GABRG2: variants seen among roughly 807,000 people sequenced by gnomAD.
GABRG2 encodes gamma-aminobutyric acid receptor subunit gamma-2.
Under a neutral mutation model 56.4 loss-of-function variants are expected in GABRG2, and 16 were observed. That is an observed-to-expected ratio of 0.28 (90% CI 0.19 to 0.43). The LOEUF (loss-of-function observed/expected upper bound fraction) is 0.43. Among genes scored for constraint, GABRG2 ranks in the 20% least tolerant of loss-of-function variants. GABRG2 has a pLI of 1.00. For synonymous variants in GABRG2, 208 were observed against 205.5 expected, an observed-to-expected ratio of 1.01 and a Z score of -0.10; for missense variants, 327 against 582.7, an observed-to-expected ratio of 0.56 and a Z score of 4.52.
chr5:162,149,388 C>T (rs1765198477), intron 8 of GABRG2, 75 bp downstream of exon 8: 11 of 1,365,194 alleles, frequency 8.1e-6, no homozygotes, highest in Middle Eastern at 1.8e-4. Context: ...AGCCTATCTG[C>T]AGGCTAAGGC....
intron 8 of GABRG2, chr5:162,149,640 G>A (rs758208326): frequency 1.5e-5 from 10 of 657,216 alleles, no homozygotes; most frequent in Non-Finnish European, 2.6e-5. Flanking sequence ...TTGAGATGGA[G>A]TGTCACTCTG....
chr5:162,151,823 G>A (rs934949083), intron 9 of GABRG2, 70 bp downstream of exon 9: 25 of 1,287,938 alleles, frequency 1.9e-5, no homozygotes, highest in South Asian at 2.5e-5. Context: ...CTTACATGGT[G>A]TTTTATTTTG....
intron 6 of GABRG2, among the ~76,000 whole-genome samples, chr5:162,132,797 C>T (rs1043822524): frequency 6.6e-5 from 10 of 151,992 alleles, no homozygotes; most frequent in African/African-American, 2.4e-4. Context: ...TATGAATTCA[C>T]ATTTTAAAAT....
intron 1 of GABRG2, among the ~76,000 whole-genome samples, chr5:162,082,017 C>A (rs957703494): frequency 1.1e-4 from 17 of 151,868 alleles, no homozygotes; most frequent in Non-Finnish European, 2.2e-4. Flanking sequence ...AAAAAATGAT[C>A]ACATTCAGTT....
intron 3 of GABRG2, among the ~76,000 whole-genome samples, chr5:162,096,693 AT>A (rs1390336821): frequency 4.6e-5 from 7 of 151,818 alleles, no homozygotes; most frequent in Admixed American, 3.9e-4. Context: ...GAACAATGTG[AT>A]TGAGGCAAAA....
intron 7 of GABRG2, among the ~76,000 whole-genome samples, chr5:162,144,058 G>A (rs1033410511): frequency 3.9e-5 from 6 of 152,130 alleles, no homozygotes; most frequent in Admixed American, 6.5e-5. Context: ...AATGCTACAC[G>A]CTGAAACAAA....
chr5:162,083,461 CAA>C (rs1370171467), intron 1 of GABRG2: 3 of 160,660 alleles, frequency 1.9e-5, no homozygotes, highest in African/African-American at 7.2e-5. Context: ...CAGAAAAAAT[CAA>C]AAGTTTTATC....
At chr5:162,074,442 A>G (rs1758924810) in intron 1 of GABRG2, among the ~76,000 whole-genome samples, 1 of 151,996 alleles carries the variant, frequency 6.6e-6, no homozygotes. Context: ...CCTGCCATGA[A>G]CCCAAGTGTT....
At chr5:162,082,112 G>A (rs962517604) in intron 1 of GABRG2, among the ~76,000 whole-genome samples, 8 of 151,732 alleles carry the variant, frequency 5.3e-5, no homozygotes, top group Admixed American at 1.3e-4. Context: ...TATGTGTTCT[G>A]CCTTGATACT....
intron 4 of GABRG2, chr5:162,098,690 GC>G (rs759162429): frequency 6.6e-6 from 1 of 152,162 alleles, no homozygotes; most frequent in Non-Finnish European, 1.5e-5. Flanking sequence ...CTTAGGGGCA[GC>G]TATCTGGTAG....
At chr5:162,086,190 T>C (rs1760094032) in intron 1 of GABRG2, among the ~76,000 whole-genome samples, 1 of 152,068 alleles carries the variant, frequency 6.6e-6, no homozygotes. Context: ...CTTTTAGTAT[T>C]AACTGTAATT....
intron 1 of GABRG2, among the ~76,000 whole-genome samples, chr5:162,086,492 C>A (rs1242373412): frequency 1.3e-5 from 2 of 151,948 alleles, no homozygotes; most frequent in Non-Finnish European, 2.9e-5. Flanking sequence ...AAATATAACT[C>A]AATGCATTAT....
chr5:162,149,398 C>CTCA lies in GABRG2; in HGVS notation c.1128+86_1128+88dup, dbSNP rs2113634059. 3 of 1,317,754 alleles carry CTCA rather than the reference C, an allele frequency of 2.3e-6. No individual in the cohort carries two copies. The African/African-American group carries it at 4.3e-5, about 19-fold the overall frequency. The allele number at this position is 1,317,754 out of a possible 1,614,324, so 81.6% of individuals were successfully genotyped here. A position where few individuals can be genotyped will look rare whatever the true frequency, so the allele number is the denominator to read the frequency against. ...TCATTAGCCTATCTGCAGGCTAAGG[C>CTCA]TCAGCAGTTTGGGCTCCAAGATGAA... On this transcript the variant is annotated intron_variant, in intron 8 of 9. Coordinates refer to ENST00000639213, the MANE Select transcript of GABRG2 (RefSeq NM_198904.4).
intron 6 of GABRG2, among the ~76,000 whole-genome samples, chr5:162,129,639 C>A (rs1763584379): frequency 6.6e-6 from 1 of 151,710 alleles, no homozygotes; most frequent in South Asian, 2.1e-4. Context: ...AAAAAACAGA[C>A]CGGACAAGTA....
At chr5:162,075,895 TA>T (rs1759063172) in intron 1 of GABRG2, among the ~76,000 whole-genome samples, 1 of 151,830 alleles carries the variant, frequency 6.6e-6, no homozygotes, top group African/African-American at 2.4e-5. Context: ...CTTTTCATAT[TA>T]AAAAAGGAAG....
intron 1 of GABRG2, among the ~76,000 whole-genome samples, chr5:162,083,053 A>G (rs1348765022): frequency 6.6e-6 from 1 of 151,696 alleles, no homozygotes; most frequent in Non-Finnish European, 1.5e-5. Flanking sequence ...AACAAGAAAA[A>G]TTTCCAGAAT....
chr5:162,137,561 T>G (rs1027472763), intron 6 of GABRG2, among the ~76,000 whole-genome samples: 1 of 152,160 alleles, frequency 6.6e-6, no homozygotes, highest in Non-Finnish European at 1.5e-5. Flanking sequence ...AGTTAAAAAT[T>G]TAGGGTTTTT....
At chr5:162,100,028 C>A (rs2113345402) in intron 4 of GABRG2, 1 of 152,158 alleles carries the variant, frequency 6.6e-6, no homozygotes. Flanking sequence ...CTTTGAAGAG[C>A]ATATAAATAT....
At chr5:162,067,472 C>T (rs1252285716), upstream of GABRG2, 1 of 417,782 alleles carries the variant, frequency 2.4e-6, no homozygotes, top group Admixed American at 3.9e-5. Flanking sequence ...ATCACTTCCA[C>T]TTTGACCTCA....
Sources: gnomAD v4.1 joint callset for allele counts (sites outside exome capture counted in the v4.1 genomes callset) on GRCh38, gnomAD v4.1.1 for gene constraint, MANE v1.5 for transcripts, NCBI Gene and HGNC (gene_info 2026-07-23, HGNC 2026-07-21) for gene names.